The following BMP6 variants were observed in gnomAD, a reference collection of about 807,000 sequenced individuals.
BMP6 encodes bone morphogenetic protein 6.
BMP6 carries 17 observed loss-of-function variants against 54.1 expected under a neutral mutation model. That is an observed-to-expected ratio of 0.31 (90% CI 0.22 to 0.47). BMP6 has a LOEUF of 0.47. Ranked by LOEUF, BMP6 falls within the 20% of genes least tolerant of loss-of-function variation. BMP6 has a pLI of 1.00. For missense variants in BMP6, 720 were observed against 690.4 expected, an observed-to-expected ratio of 1.04 and a Z score of -0.48; for synonymous variants, 328 against 291.2, an observed-to-expected ratio of 1.13 and a Z score of -1.28.
intron 1 of BMP6, among the ~76,000 whole-genome samples, chr6:7,817,715 A>C (rs1758552481): frequency 6.6e-6 from 1 of 152,140 alleles, no homozygotes; most frequent in South Asian, 2.1e-4. Flanking sequence ...CTAGAACTTA[A>C]AGTATAATTA....
chr6:7,810,016 C>T (rs956621510), intron 1 of BMP6, among the ~76,000 whole-genome samples: 3 of 152,120 alleles, frequency 2.0e-5, no homozygotes, highest in Admixed American at 1.3e-4. Flanking sequence ...AATGTTAGCT[C>T]AAAGTTTTCA....
At chr6:7,850,277 G>A (rs1759123382) in intron 2 of BMP6, among the ~76,000 whole-genome samples, 1 of 152,054 alleles carries the variant, frequency 6.6e-6, no homozygotes, top group Admixed American at 6.6e-5. Flanking sequence ...CGAGTAGCTG[G>A]GACTACAGGC....
rs1320746032 is a variant in BMP6, at chr6:7,881,091, CTTT to C, written c.*749_*751del. 1 of 152,302 alleles carries C rather than the reference CTTT, an allele frequency of 6.6e-6. No homozygotes were observed. The highest frequency in any genetic ancestry group is 2.4e-5 in the African/African-American group (1 of 41,450). The allele number at this position is 152,302 out of a possible 1,614,324, so 9.4% of individuals were successfully genotyped here. Reference sequence around the variant, plus strand: ...CACGTGAAGGCAATGCTCACCTCTTCTTTACCAGAACGGTTCTTTGACCAGCAC... The same window carrying C: ...CACGTGAAGGCAATGCTCACCTCTTCACCAGAACGGTTCTTTGACCAGCAC... On this transcript the variant is annotated 3_prime_UTR_variant, in exon 7 of 7. Transcript: ENST00000283147.
At chr6:7,810,069 AT>A (rs1416851273) in intron 1 of BMP6, among the ~76,000 whole-genome samples, 1 of 152,228 alleles carries the variant, frequency 6.6e-6, no homozygotes, top group Non-Finnish European at 1.5e-5. Flanking sequence ...TCCTCTACAG[AT>A]TCCTAAAGTT....
At chr6:7,753,874 C>A (rs1349959143) in intron 1 of BMP6, among the ~76,000 whole-genome samples, 1 of 152,110 alleles carries the variant, frequency 6.6e-6, no homozygotes, top group African/African-American at 2.4e-5. Flanking sequence ...TAGAAGTATG[C>A]TGTTTAATTT....
At chr6:7,846,680 GT>G (rs1256770295) in intron 2 of BMP6, among the ~76,000 whole-genome samples, 12 of 152,150 alleles carry the variant, frequency 7.9e-5, no homozygotes, top group Admixed American at 4.6e-4. Context: ...CAAAAGGGAA[GT>G]TTTCTGATAT....
chr6:7,755,639 T>C (rs1172435577), intron 1 of BMP6, among the ~76,000 whole-genome samples: 1 of 152,150 alleles, frequency 6.6e-6, no homozygotes, highest in Non-Finnish European at 1.5e-5. Context: ...TCACACTCTT[T>C]ATTCCTTTTT....
At chr6:7,853,460 T>C (rs1019158514) in intron 2 of BMP6, among the ~76,000 whole-genome samples, 1 of 152,214 alleles carries the variant, frequency 6.6e-6, no homozygotes, top group Non-Finnish European at 1.5e-5. Flanking sequence ...TATGGACTGA[T>C]TGCTCTATAA....
intron 1 of BMP6, among the ~76,000 whole-genome samples, chr6:7,842,297 C>A (rs1301411270): frequency 6.6e-6 from 1 of 152,210 alleles, no homozygotes; most frequent in East Asian, 1.9e-4. Context: ...AAAGGACATC[C>A]AAGATGGCAT....
At chr6:7,800,224 T>C (rs574843483) in intron 1 of BMP6, among the ~76,000 whole-genome samples, 1 of 152,198 alleles carries the variant, frequency 6.6e-6, no homozygotes, top group South Asian at 2.1e-4. Context: ...ATGCCTGTAC[T>C]ATAAAGTGGG....
At chr6:7,772,655 C>G (rs1757806642) in intron 1 of BMP6, among the ~76,000 whole-genome samples, 1 of 152,138 alleles carries the variant, frequency 6.6e-6, no homozygotes, top group African/African-American at 2.4e-5. Context: ...TAGGCAAAAC[C>G]AGAACCAGGA....
Position 7,726,575 on chromosome 6 carries a change from G to A in BMP6, c.-381G>A, listed in dbSNP as rs1169900117. Among the ~76,000 whole-genome samples, 1 of 152,132 alleles carries A rather than the reference G, an allele frequency of 6.6e-6. No homozygotes were observed. Among genetic ancestry groups the A allele is most frequent in the African/African-American group, 2.4e-5 (1 of 41,448 alleles). ...GTCGCCAGGGAGAGCGCGGGGCAGCGCACGTGTGCGGCCAGCGAGGCCCAG... is the reference window on the plus strand; with the variant it reads ...GTCGCCAGGGAGAGCGCGGGGCAGCACACGTGTGCGGCCAGCGAGGCCCAG... On this transcript the variant is annotated 5_prime_UTR_variant, in exon 1 of 7. Transcript: ENST00000283147.
chr6:7,760,125 G>A (rs939710177), intron 1 of BMP6, among the ~76,000 whole-genome samples: 7 of 141,454 alleles, frequency 4.9e-5, no homozygotes, highest in South Asian at 2.2e-4. Flanking sequence ...GGAGTACAGC[G>A]ATTATAGCTT....
At position 7,726,969 on chromosome 6, in the gene BMP6, G is replaced by T; in HGVS notation, c.14G>T (p.Gly5Val). 8.8e-7 allele frequency: 1 copy of T among 1,135,684 alleles called. No homozygotes were observed. Among genetic ancestry groups the T allele is most frequent in the East Asian group, 4.5e-5 (1 of 22,356 alleles). 70.4% of individuals were successfully genotyped at this position (1,135,684 alleles called of 1,614,324 possible). ...GGCCGGGCGGGGATGCCGGGGCTGGGGCGGAGGGCGCAGTGGCTGTGCTGG... is the reference window on the plus strand; with the variant it reads ...GGCCGGGCGGGGATGCCGGGGCTGGTGCGGAGGGCGCAGTGGCTGTGCTGG... MPGL[G>V]RRAQWLCWWW... Residue 5 changes from glycine (G) to valine (V), a missense_variant, in exon 1 of 7, where the codon GGG becomes GTG. Gly to Val is a moderately radical substitution (Grantham distance 109). Transcript: ENST00000283147.
At chr6:7,803,401 C>T (rs114454494) in intron 1 of BMP6, among the ~76,000 whole-genome samples, 1 of 152,296 alleles carries the variant, frequency 6.6e-6, no homozygotes, top group African/African-American at 2.4e-5. Flanking sequence ...TTAATGGTCT[C>T]TGTGGGTTAT....
intron 1 of BMP6, among the ~76,000 whole-genome samples, chr6:7,806,622 A>G (rs1188899235): frequency 6.6e-6 from 1 of 152,232 alleles, no homozygotes; most frequent in Non-Finnish European, 1.5e-5. Flanking sequence ...AAAACAAGTG[A>G]TTTAAACAAA....
intron 1 of BMP6, among the ~76,000 whole-genome samples, chr6:7,733,808 A>G (rs144294809): frequency 1.3e-5 from 2 of 152,300 alleles, no homozygotes; most frequent in Non-Finnish European, 2.9e-5. Flanking sequence ...AAACGGCACT[A>G]GTCTCTCCTG....
chr6:7,754,715 G>T (rs993848479), intron 1 of BMP6, among the ~76,000 whole-genome samples: 19 of 151,874 alleles, frequency 1.3e-4, no homozygotes, highest in African/African-American at 3.6e-4. Context: ...AACCTTTTTT[G>T]TTGTTGTTGT....
Position 7,769,230 on chromosome 6 carries a change from G to A in BMP6, c.664+41611G>A, listed in dbSNP as rs547177351. Among the ~76,000 whole-genome samples, 6 of 152,298 alleles carry A rather than the reference G, an allele frequency of 3.9e-5. No individual in the cohort carries two copies. In the South Asian group the frequency reaches 8.3e-4, roughly 21 times the overall value. On this transcript the variant is annotated intron_variant, in intron 1 of 6. Coordinates refer to ENST00000283147, the MANE Select transcript of BMP6 (RefSeq NM_001718.6). ...GGGAAGGACAAAGTGGAACTACACC[G>A]ATCAGCTCTTCAGAGCCCAGACTTA... is the stretch of plus-strand genomic sequence containing the variant.
Sources: gnomAD v4.1 joint callset for allele counts (sites outside exome capture counted in the v4.1 genomes callset) on GRCh38, gnomAD v4.1.1 for gene constraint, MANE v1.5 for transcripts, NCBI Gene and HGNC (gene_info 2026-07-23, HGNC 2026-07-21) for gene names.